Variants in DLG2 observed in about 807,000 individuals in gnomAD.
DLG2 encodes the protein discs large MAGUK scaffold protein 2, also known as disks large homolog 2.
In DLG2, 45 loss-of-function variants were observed where a neutral mutation model predicts 132.5. The observed-to-expected ratio is 0.34, with a 90% CI of 0.27 to 0.44. The LOEUF (loss-of-function observed/expected upper bound fraction) is 0.44. Ranked by LOEUF, DLG2 falls within the 20% of genes least tolerant of loss-of-function variation. The pLI is 1.00. For missense variants in DLG2, 1,045 were observed against 1,196.9 expected, an observed-to-expected ratio of 0.87 and a Z score of 1.87; for synonymous variants, 424 against 419.6, an observed-to-expected ratio of 1.01 and a Z score of -0.13.
At chr11:84,662,588 A>G (rs1190200615) in intron 6 of DLG2, among the ~76,000 whole-genome samples, 1 of 151,798 alleles carries the variant, frequency 6.6e-6, no homozygotes, top group African/African-American at 2.4e-5. Context: ...GGAGTTCGAG[A>G]CCAGTCCAGC....
intron 16 of DLG2, among the ~76,000 whole-genome samples, chr11:83,848,264 T>C (rs1466772160): frequency 6.6e-6 from 1 of 152,110 alleles, no homozygotes; most frequent in East Asian, 1.9e-4. Context: ...CTTGGGCCTC[T>C]AGCATCTAGT....
chr11:85,419,993 C>A (rs2090163039), intron 3 of DLG2, among the ~76,000 whole-genome samples: 1 of 152,134 alleles, frequency 6.6e-6, no homozygotes, highest in Middle Eastern at 3.2e-3. Context: ...GAGTTGTGAT[C>A]CTTTGGAGGT....
At chr11:85,175,951 A>G (rs745508342) in intron 4 of DLG2, among the ~76,000 whole-genome samples, 1 of 152,208 alleles carries the variant, frequency 6.6e-6, no homozygotes, top group Non-Finnish European at 1.5e-5. Flanking sequence ...TCACTGCTCA[A>G]GGAAATCAGA....
intron 18 of DLG2, among the ~76,000 whole-genome samples, chr11:83,702,407 T>C (rs960074826): frequency 6.6e-6 from 1 of 152,236 alleles, no homozygotes; most frequent in African/African-American, 2.4e-5. Context: ...TCATGGGGTG[T>C]TGACAGGAGC....
At position 85,154,642 on chromosome 11, in the gene DLG2, A is replaced by G. The variant is rs2077477816; in HGVS notation, c.196T>C (p.Cys66Arg). Residue 66 changes from cysteine to arginine, a missense_variant, in exon 5 of 28, where the codon TGC becomes CGC. Cys to Arg is a radical substitution (Grantham distance 180). Coordinates refer to ENST00000376104, the MANE Select transcript of DLG2 (RefSeq NM_001142699.3). ...RLQKSSELTD[C>R]SGSKENASCI... ...GAAGCATTTTCCTTTGATCCACTGCAATCTGTAAGCTAAAATAAAAGTTTA... is the reference window on the plus strand; with the variant it reads ...GAAGCATTTTCCTTTGATCCACTGCGATCTGTAAGCTAAAATAAAAGTTTA... 1.3e-6 allele frequency: 2 copies of G among 1,491,932 alleles called. No individual in the cohort carries two copies. Among genetic ancestry groups the G allele is most frequent in the South Asian group, 1.2e-5 (1 of 80,022 alleles). 92.4% of individuals were successfully genotyped at this position (1,491,932 alleles called of 1,614,324 possible).
intron 17 of DLG2, among the ~76,000 whole-genome samples, chr11:83,801,879 G>A (rs142110905): frequency 6.6e-6 from 1 of 152,056 alleles, no homozygotes; most frequent in East Asian, 1.9e-4. Flanking sequence ...ACTAATGAAT[G>A]GTTATAACTA....
intron 6 of DLG2, among the ~76,000 whole-genome samples, chr11:84,676,828 T>G (rs1038312754): frequency 6.6e-6 from 1 of 151,968 alleles, no homozygotes; most frequent in African/African-American, 2.4e-5. Context: ...CATGACAGAT[T>G]GTAATAAAAG....
At chr11:85,088,969 A>G (rs1299939271) in intron 6 of DLG2, among the ~76,000 whole-genome samples, 1 of 152,220 alleles carries the variant, frequency 6.6e-6, no homozygotes, top group Non-Finnish European at 1.5e-5. Flanking sequence ...ATAAGGGGTA[A>G]TATAGTAGAC....
chr11:84,398,365 AG>A (rs1252008426), intron 7 of DLG2, among the ~76,000 whole-genome samples: 1 of 152,184 alleles, frequency 6.6e-6, no homozygotes, highest in Admixed American at 6.5e-5. Context: ...CGATATTAGT[AG>A]TACTATAAAG....
intron 22 of DLG2, chr11:83,480,748 C>G: frequency 1.2e-6 from 1 of 836,266 alleles, no homozygotes; most frequent in Non-Finnish European, 1.9e-6. Flanking sequence ...GTGACAATGA[C>G]TAGTATGTCT....
At chr11:83,552,590 A>T (rs1456167329) in intron 19 of DLG2, among the ~76,000 whole-genome samples, 1 of 152,148 alleles carries the variant, frequency 6.6e-6, no homozygotes, top group Non-Finnish European at 1.5e-5. Flanking sequence ...CCTACTAAGC[A>T]GCCTGATCTT....
At chr11:84,382,402 T>C (rs2098751898) in intron 7 of DLG2, among the ~76,000 whole-genome samples, 1 of 152,220 alleles carries the variant, frequency 6.6e-6, no homozygotes, top group South Asian at 2.1e-4. Context: ...ATAAAATCTT[T>C]ACTTATTGCT....
intron 6 of DLG2, among the ~76,000 whole-genome samples, chr11:84,995,728 TA>T (rs978224067): frequency 8.8e-4 from 134 of 151,600 alleles, no homozygotes; most frequent in Admixed American, 2.0e-3. Flanking sequence ...AATTTTTTTT[TA>T]AAAAAAAAGA....
intron 9 of DLG2, among the ~76,000 whole-genome samples, chr11:84,099,553 A>G (rs563537691): frequency 2.0e-5 from 3 of 152,030 alleles, no homozygotes; most frequent in South Asian, 2.1e-4. Flanking sequence ...ACTTCAGAAG[A>G]CAAGGCCCCC....
chr11:85,439,926 G>A (rs992394951), intron 3 of DLG2, among the ~76,000 whole-genome samples: 6 of 152,082 alleles, frequency 3.9e-5, no homozygotes, highest in Admixed American at 6.5e-5. Context: ...TGCTTAATAA[G>A]GTCATAAACG....
chr11:85,466,273 T>A (rs1268926113), intron 3 of DLG2, among the ~76,000 whole-genome samples: 1 of 152,256 alleles, frequency 6.6e-6, no homozygotes, highest in Non-Finnish European at 1.5e-5. Flanking sequence ...CTGTTCACTC[T>A]GATGGTAGTT....
chr11:85,051,215 T>G, intron 6 of DLG2, among the ~76,000 whole-genome samples: 1 of 152,176 alleles, frequency 6.6e-6, no homozygotes, highest in East Asian at 1.9e-4. Context: ...CATCACATTC[T>G]TACCAGTTTC....
intron 4 of DLG2, among the ~76,000 whole-genome samples, chr11:85,247,398 T>G (rs2076189560): frequency 6.6e-6 from 1 of 151,982 alleles, no homozygotes; most frequent in African/African-American, 2.4e-5. Flanking sequence ...ATACTTTAGG[T>G]CTTTATTCAA....
intron 6 of DLG2, among the ~76,000 whole-genome samples, chr11:84,699,575 C>T (rs2058988828): frequency 6.6e-6 from 1 of 151,430 alleles, no homozygotes. Context: ...AAAGAATTCT[C>T]ACCTGATTTG....
Sources: allele counts gnomAD v4.1 joint callset (sites outside exome capture counted in the v4.1 genomes callset), GRCh38; gene constraint gnomAD v4.1.1; transcripts MANE v1.5; gene names NCBI Gene and HGNC (gene_info 2026-07-23, HGNC 2026-07-21).